The following EHMT1 variants were observed in gnomAD, a reference collection of about 807,000 sequenced individuals.
EHMT1 encodes the protein euchromatic histone lysine methyltransferase 1, also known as histone-lysine N-methyltransferase EHMT1.
In EHMT1, 15 loss-of-function variants were observed where a neutral mutation model predicts 147.2. The observed-to-expected ratio is 0.10, with a 90% CI of 0.07 to 0.16. EHMT1 has a LOEUF of 0.16. Among genes scored for constraint, EHMT1 ranks in the 10% least tolerant of loss-of-function variants. EHMT1 has a pLI of 1.00. For missense variants in EHMT1, 1,587 were observed against 1,772.4 expected (o/e 0.90, Z 1.88); for synonymous variants, 795 against 709.6 (o/e 1.12, Z -1.91).
At chr9:137,630,106 C>T (rs1843532719) in intron 1 of EHMT1, among the ~76,000 whole-genome samples, 1 of 152,182 alleles carries the variant, frequency 6.6e-6, no homozygotes. Flanking sequence ...CTGTTTCATT[C>T]TGGAAAAGCT....
intron 1 of EHMT1, among the ~76,000 whole-genome samples, chr9:137,686,679 C>T (rs1034912247): frequency 6.7e-6 from 1 of 150,198 alleles, no homozygotes; most frequent in Non-Finnish European, 1.5e-5. Context: ...CTGTGCCCAG[C>T]TGAGTCAATT....
chr9:137,632,105 T>C (rs1333643756), intron 1 of EHMT1, among the ~76,000 whole-genome samples: 1 of 152,226 alleles, frequency 6.6e-6, no homozygotes, highest in Non-Finnish European at 1.5e-5. Context: ...AAGTGCACTC[T>C]TTGACGTTTG....
chr9:137,834,761 T>C lies in EHMT1; in HGVS notation c.3717-12T>C. ...GATTCGACTTGGAGCCTTGGTTCTG[T>C]TCCCTCCCCAGGTTTGACTATGGAG... On this transcript the variant is annotated splice_polypyrimidine_tract_variant and intron_variant, in intron 26 of 26. Transcript: ENST00000460843. 1 of 1,613,404 alleles carries C rather than the reference T, an allele frequency of 6.2e-7. No individual in the cohort carries two copies. Among genetic ancestry groups the C allele is most frequent in the Non-Finnish European group, 8.5e-7 (1 of 1,179,728 alleles).
In EHMT1 at chr9:137,782,306, C is replaced by A; in HGVS notation, c.2291C>A (p.Pro764His). 6.2e-7 allele frequency: 1 copy of A among 1,613,676 alleles called. No individual in the cohort carries two copies. Among genetic ancestry groups the A allele is most frequent in the Non-Finnish European group, 8.5e-7 (1 of 1,179,912 alleles). Residue 764 changes from proline to histidine, a missense_variant, in exon 15 of 27, where the codon CCC becomes CAC. Coordinates refer to ENST00000460843, the MANE Select transcript of EHMT1 (RefSeq NM_024757.5). This position sits in a 1 kb window ranked among gnomAD's most constrained non-coding sequence, Gnocchi z 5.7. ...VLLMLVDGID[P>H]NFKMEHQNKR... ...TTGTTCACAGTGGACGGAATTGACC[C>A]CAACTTCAAAATGGAGCACCAGAAT... is the stretch of plus-strand genomic sequence containing the variant.
At chr9:137,710,157 TA>T (rs59906024) in intron 1 of EHMT1, among the ~76,000 whole-genome samples, 3,258 of 137,484 alleles carry the variant, frequency 0.024, 50 homozygotes, top group African/African-American at 0.048. Flanking sequence ...GATTTTTGTG[TA>T]AAAAAAAAAA....
intron 2 of EHMT1, 50 bp from the exon 3 acceptor site, chr9:137,716,574 TGC>T: frequency 6.7e-7 from 1 of 1,484,398 alleles, no homozygotes; most frequent in Non-Finnish European, 9.0e-7. Flanking sequence ...GTGGTGGTGG[TGC>T]CATGGAGAGC....
At chr9:137,719,204 T>G (rs553059982) in intron 3 of EHMT1, among the ~76,000 whole-genome samples, 10 of 152,328 alleles carry the variant, frequency 6.6e-5, no homozygotes, top group Admixed American at 4.6e-4. Context: ...TTGTGACTTT[T>G]TTTTCCTCTC....
chr9:137,686,439 G>T lies in EHMT1; in HGVS notation c.22-24528G>T, dbSNP rs138900828. Among the ~76,000 whole-genome samples the T allele has an allele frequency of 5.4e-3, 820 of 152,080 alleles. 10 individuals carry two copies. Among genetic ancestry groups the T allele is most frequent in the African/African-American group, 0.019 (776 of 41,452 alleles). On this transcript the variant is annotated intron_variant, in intron 1 of 26. Coordinates refer to ENST00000460843, the MANE Select transcript of EHMT1 (RefSeq NM_024757.5). ...GGGTCTCGCTCAGTCACCTAGGCTG[G>T]AGTGCAGTGGTGCAATCACAGCTCA...
intron 4 of EHMT1, among the ~76,000 whole-genome samples, chr9:137,736,792 G>A (rs1487049970): frequency 1.3e-5 from 2 of 152,160 alleles, no homozygotes; most frequent in Non-Finnish European, 2.9e-5. Context: ...TTGGGAGGCC[G>A]AGGCACGAGA....
In EHMT1 at chr9:137,790,974, T is replaced by C. The variant is rs1952477970; in HGVS notation, c.2505+4T>C. On this transcript the variant is annotated splice_donor_region_variant and intron_variant, in intron 16 of 26. Transcript: ENST00000460843. ...TGGGGCCCTGGTGGATCCCAAGGTATGTTCCCCTGTCAGAATCAACGTCCT... is the reference window on the plus strand; with the variant it reads ...TGGGGCCCTGGTGGATCCCAAGGTACGTTCCCCTGTCAGAATCAACGTCCT... 4.3e-6 allele frequency: 7 copies of C among 1,614,220 alleles called. No homozygotes were observed. The highest frequency in any genetic ancestry group is 5.9e-6 in the Non-Finnish European group (7 of 1,180,044).
At position 137,784,798 on chromosome 9, in the gene EHMT1, G is replaced by T. The variant is rs76731012; in HGVS notation, c.2382+2401G>T. 0.015 allele frequency: 2,358 copies of T among 152,836 alleles called. 249 individuals carry two copies. The East Asian group carries it at 0.3, about 19-fold the overall frequency. 9.5% of individuals were successfully genotyped at this position (152,836 alleles called of 1,614,324 possible). ...CGTGAGAAGCGCTGAGCCGAGGTAG[G>T]CACTGGGGGCACTGGGGGCCAGCTC... On this transcript the variant is annotated intron_variant, in intron 15 of 26. Coordinates refer to ENST00000460843, the MANE Select transcript of EHMT1 (RefSeq NM_024757.5).
chr9:137,818,598 G>A (rs562158269), intron 25 of EHMT1, among the ~76,000 whole-genome samples: 2 of 98,916 alleles, frequency 2.0e-5, no homozygotes, highest in Non-Finnish European at 3.8e-5. Context: ...ATTGAGGGGC[G>A]CCATGTACCG....
Position 137,717,066 on chromosome 9 carries a change from C to A in EHMT1, c.526C>A (p.Pro176Thr), listed in dbSNP as rs34704821. 6.2e-7 allele frequency: 1 copy of A among 1,607,690 alleles called. No homozygotes were observed. The highest frequency in any genetic ancestry group is 8.5e-7 in the Non-Finnish European group (1 of 1,176,276). ...SAFPQTPAAP[P>T]ATLGEGSADT... The stretch of plus-strand genomic sequence containing the variant: ...TTTTCCCCAGACGCCAGCCGCCCCA[C>A]CAGCCACCCTTGGGGAGGGGAGTGC... The change falls in exon 3 of 27, where the codon CCA (proline) becomes ACA (threonine). Residue 176 changes from proline (P) to threonine (T), a missense_variant. By Grantham distance (38) the Pro-to-Thr change is conservative (BLOSUM62 -1). Transcript: ENST00000460843.
At chr9:137,655,432 C>CTGGGAG (rs1371151773) in intron 1 of EHMT1, among the ~76,000 whole-genome samples, 1 of 152,220 alleles carries the variant, frequency 6.6e-6, no homozygotes, top group African/African-American at 2.4e-5. Context: ...ACCCAGGAAT[C>CTGGGAG]TTACCTATGG....
chr9:137,721,537 C>T (rs1260650864), intron 3 of EHMT1, among the ~76,000 whole-genome samples: 2 of 129,080 alleles, frequency 1.5e-5, no homozygotes, highest in Non-Finnish European at 3.3e-5. Flanking sequence ...CTCACCCTCT[C>T]CCACGCCTCT....
intron 13 of EHMT1, among the ~76,000 whole-genome samples, chr9:137,778,609 G>A (rs960216281): frequency 4.6e-5 from 7 of 152,150 alleles, no homozygotes; most frequent in Non-Finnish European, 1.0e-4. Flanking sequence ...TGAAGCGACG[G>A]TACCATCTGC....
At chr9:137,745,371 T>G in intron 6 of EHMT1, 1 of 393,256 alleles carries the variant, frequency 2.5e-6, no homozygotes, top group Non-Finnish European at 4.5e-6. Context: ...GTAGCTTGAT[T>G]ATTTAAAAAT....
In EHMT1 at chr9:137,674,602, T is replaced by C. The variant is rs1421850152; in HGVS notation, c.22-36365T>C. Among the ~76,000 whole-genome samples the C allele has an allele frequency of 2.0e-5, 3 of 152,230 alleles. No individual in the cohort carries two copies. The East Asian group carries it at 5.8e-4, about 29-fold the overall frequency. Reference sequence around the variant, plus strand: ...GCCTACGATTGCACGACTCACCTCTTGATGTGTGAGACCCGCATTTATATT... The same window carrying C: ...GCCTACGATTGCACGACTCACCTCTCGATGTGTGAGACCCGCATTTATATT... On this transcript the variant is annotated intron_variant, in intron 1 of 26. Transcript: ENST00000460843.
In EHMT1 at chr9:137,835,002, C is replaced by G; in HGVS notation, c.*49C>G. On this transcript the variant is annotated 3_prime_UTR_variant, in exon 27 of 27. Coordinates refer to ENST00000460843, the MANE Select transcript of EHMT1 (RefSeq NM_024757.5). Reference sequence around the variant, plus strand: ...TCGGGAGCCAGGGACCGCCGCGTCGCCGATTAGAGGACGAGGAGGAGAGAT... The same window carrying G: ...TCGGGAGCCAGGGACCGCCGCGTCGGCGATTAGAGGACGAGGAGGAGAGAT... 7.3e-7 allele frequency: 1 copy of G among 1,364,884 alleles called. No homozygotes were observed. Among genetic ancestry groups the G allele is most frequent in the Non-Finnish European group, 9.4e-7 (1 of 1,066,030 alleles). 84.5% of individuals were successfully genotyped at this position (1,364,884 alleles called of 1,614,324 possible).
Sources: allele counts gnomAD v4.1 joint callset (sites outside exome capture counted in the v4.1 genomes callset), GRCh38; gene constraint gnomAD v4.1.1; non-coding constraint Gnocchi (gnomAD v3.1); transcripts MANE v1.5; gene names NCBI Gene and HGNC (gene_info 2026-07-23, HGNC 2026-07-21).